Variants in STOML3 observed in about 807,000 individuals in gnomAD.
STOML3 encodes stomatin-like protein 3.
Under a neutral mutation model 29.5 loss-of-function variants are expected in STOML3, and 31 were observed. That is an observed-to-expected ratio of 1.05 (90% CI 0.79 to 1.42). STOML3 has a LOEUF of 1.42. Among genes scored for constraint, STOML3 ranks in the 40% most tolerant of loss-of-function variants. The pLI, the probability that STOML3 is intolerant of heterozygous loss-of-function variation, is 0.00. For missense variants in STOML3, 380 were observed against 363.0 expected, an observed-to-expected ratio of 1.05 and a Z score of -0.38; for synonymous variants, 122 against 139.8, an observed-to-expected ratio of 0.87 and a Z score of 0.90.
intron 1 of STOML3, among the ~76,000 whole-genome samples, chr13:38,982,559 G>A (rs186916894): frequency 6.6e-6 from 1 of 152,002 alleles, no homozygotes; most frequent in Non-Finnish European, 1.5e-5. Flanking sequence ...ACCTTTCTCC[G>A]AGTTGTGAAA....
chr13:38,978,832 T>A (rs965579654), intron 1 of STOML3, among the ~76,000 whole-genome samples: 7 of 152,210 alleles, frequency 4.6e-5, no homozygotes, highest in Non-Finnish European at 7.3e-5. Flanking sequence ...TTATAAGCGA[T>A]GTTTTGATGA....
intron 3 of STOML3, among the ~76,000 whole-genome samples, chr13:38,975,454 T>C (rs969466130): frequency 2.6e-5 from 4 of 152,188 alleles, no homozygotes; most frequent in Admixed American, 2.0e-4. Context: ...GCAAAGCACA[T>C]AGAGCATCGT....
intron 1 of STOML3, among the ~76,000 whole-genome samples, chr13:38,987,216 CA>C (rs1321440346): frequency 9.2e-5 from 14 of 152,138 alleles, no homozygotes; most frequent in Middle Eastern, 3.4e-3. Flanking sequence ...CACATGCACA[CA>C]AGTGGCTTTC....
intron 4 of STOML3, among the ~76,000 whole-genome samples, chr13:38,971,751 C>G (rs1407272384): frequency 5.9e-5 from 9 of 152,136 alleles, no homozygotes; most frequent in African/African-American, 4.8e-5. Flanking sequence ...ATGGTGAAAC[C>G]CTGTCTCCAC....
At position 38,967,055 on chromosome 13, in the gene STOML3, A is replaced by G. The variant is rs766665143; in HGVS notation, c.652-6T>C. On this transcript the variant is annotated splice_region_variant and splice_polypyrimidine_tract_variant and intron_variant, in intron 6 of 6. Transcript: ENST00000379631. ...TCTCCTTCAGCTGCAAGGACCTGAA[A>G]TGACAGAAATAAAATCGTTCAGAAA... 3.1e-6 allele frequency: 5 copies of G among 1,611,718 alleles called. No individual in the cohort carries two copies. Among genetic ancestry groups the G allele is most frequent in the Non-Finnish European group, 4.2e-6 (5 of 1,178,848 alleles).
intron 1 of STOML3, among the ~76,000 whole-genome samples, chr13:38,987,663 A>C (rs1445170798): frequency 7.1e-6 from 1 of 140,748 alleles, no homozygotes; most frequent in Non-Finnish European, 1.5e-5. Context: ...TATATATATT[A>C]AGATTTTTAA....
chr13:38,976,066 T>C (rs1881064452), intron 3 of STOML3, among the ~76,000 whole-genome samples: 2 of 152,238 alleles, frequency 1.3e-5, no homozygotes, highest in Non-Finnish European at 2.9e-5. Context: ...CTTCCAGCTC[T>C]ATCTTTCTAT....
chr13:38,980,867 A>G (rs367659979), intron 1 of STOML3, among the ~76,000 whole-genome samples: 24 of 152,318 alleles, frequency 1.6e-4, no homozygotes, highest in African/African-American at 5.8e-4. Context: ...CAGTTACAGA[A>G]ACAATAGAAA....
At chr13:38,986,229 T>G (rs909699207) in intron 1 of STOML3, among the ~76,000 whole-genome samples, 1 of 151,810 alleles carries the variant, frequency 6.6e-6, no homozygotes, top group African/African-American at 2.4e-5. Context: ...GAAACAAGGT[T>G]TCACCATGTT....
chr13:38,984,309 C>T (rs923998916), intron 1 of STOML3, among the ~76,000 whole-genome samples: 2 of 152,136 alleles, frequency 1.3e-5, no homozygotes, highest in Admixed American at 6.5e-5. Flanking sequence ...TGTTCCTCAG[C>T]CCCCTTCTGC....
chr13:38,981,438 C>T (rs1286866001), intron 1 of STOML3, among the ~76,000 whole-genome samples: 1 of 152,158 alleles, frequency 6.6e-6, no homozygotes, highest in Non-Finnish European at 1.5e-5. Context: ...TTCTGTATCA[C>T]TAGCCCAACT....
At chr13:38,987,774 C>T (rs12854781) in intron 1 of STOML3, among the ~76,000 whole-genome samples, 2 of 79,118 alleles carry the variant, frequency 2.5e-5, no homozygotes, top group Non-Finnish European at 4.4e-5. Context: ...ATAATATATA[C>T]TATTGTGTAT....
chr13:38,976,149 A>C (rs1384134735), intron 3 of STOML3, among the ~76,000 whole-genome samples: 1 of 152,174 alleles, frequency 6.6e-6, no homozygotes, highest in Admixed American at 6.5e-5. Context: ...AGCATCAAAC[A>C]CCAGCTCTCA....
chr13:38,977,096 T>C (rs1881108731), intron 1 of STOML3, among the ~76,000 whole-genome samples: 1 of 152,224 alleles, frequency 6.6e-6, no homozygotes, highest in South Asian at 2.1e-4. Flanking sequence ...TCAAAACACA[T>C]AAACAGTGGT....
chr13:38,966,716 A>C lies in STOML3; in HGVS notation c.*109T>G, dbSNP rs1880658433. On this transcript the variant is annotated 3_prime_UTR_variant, in exon 7 of 7. Transcript: ENST00000379631. ...CCTGCCAATGCTCTTCCATCTATGG[A>C]GTTACTGTTACATGAACAGTGTTGG... is the stretch of plus-strand genomic sequence containing the variant. 5 of 915,964 alleles carry C rather than the reference A, an allele frequency of 5.5e-6. No homozygotes were observed. The East Asian group carries it at 1.2e-4, about 22-fold the overall frequency. The allele number at this position is 915,964 out of a possible 1,614,324, so 56.7% of individuals were successfully genotyped here.
At chr13:38,977,233 G>A (rs12872246) in intron 1 of STOML3, among the ~76,000 whole-genome samples, 1 of 152,206 alleles carries the variant, frequency 6.6e-6, no homozygotes, top group Non-Finnish European at 1.5e-5. Context: ...CCCAGAGGGA[G>A]ACAATGTGGT....
intron 3 of STOML3, 86 bp from the exon 4 acceptor site, chr13:38,972,680 T>G: frequency 8.6e-7 from 1 of 1,162,528 alleles, no homozygotes; most frequent in African/African-American, 1.5e-5. Flanking sequence ...ATCATTTACA[T>G]GGGGCGATAC....
At chr13:38,990,139 G>A (rs915543063) in intron 1 of STOML3, among the ~76,000 whole-genome samples, 3 of 151,990 alleles carry the variant, frequency 2.0e-5, no homozygotes, top group African/African-American at 7.2e-5. Context: ...TATAAGCTAA[G>A]TTTTTTTTCT....
intron 1 of STOML3, among the ~76,000 whole-genome samples, chr13:38,982,187 C>T (rs1009786959): frequency 3.3e-5 from 5 of 151,982 alleles, no homozygotes; most frequent in Middle Eastern, 3.4e-3. Context: ...AAATTTTAGA[C>T]GGGCTTCTTC....
Sources: allele counts gnomAD v4.1 joint callset (sites outside exome capture counted in the v4.1 genomes callset), GRCh38; gene constraint gnomAD v4.1.1; transcripts MANE v1.5; gene names NCBI Gene and HGNC (gene_info 2026-07-23, HGNC 2026-07-21).